PSEN1: variants seen among roughly 807,000 people sequenced by gnomAD.
PSEN1 encodes the protein presenilin-1.
A neutral mutation model predicts 53.5 loss-of-function variants in PSEN1; 15 were observed. The observed-to-expected ratio is 0.28, with a 90% CI of 0.19 to 0.43. The LOEUF is 0.43. PSEN1 is among the 20% of genes least tolerant of loss of function. The pLI, the probability that PSEN1 is intolerant of heterozygous loss-of-function variation, is 1.00. For synonymous variants in PSEN1, 208 were observed against 209.8 expected (o/e 0.99, Z 0.08); for missense variants, 387 against 571.2 (o/e 0.68, Z 3.29).
intron 1 of PSEN1, among the ~76,000 whole-genome samples, chr14:73,143,439 CTG>C (rs1293242638): frequency 6.6e-6 from 1 of 152,160 alleles, no homozygotes; most frequent in Non-Finnish European, 1.5e-5. Context: ...CTCTGTAACT[CTG>C]TGCAGGCAAA....
chr14:73,200,555 C>T (rs1472929444), intron 8 of PSEN1, among the ~76,000 whole-genome samples: 3 of 152,058 alleles, frequency 2.0e-5, no homozygotes, highest in Non-Finnish European at 2.9e-5. Flanking sequence ...TGCTCCCAGC[C>T]CTGTAAAATT....
intron 5 of PSEN1, among the ~76,000 whole-genome samples, chr14:73,175,114 AGTTTTTTTT>A (rs1233046451): frequency 6.6e-6 from 1 of 151,648 alleles, no homozygotes; most frequent in Non-Finnish European, 1.5e-5. Context: ...TGAGGTCAGG[AGTTTTTTTT>A]GTTTTTTTGT....
intron 3 of PSEN1, among the ~76,000 whole-genome samples, chr14:73,162,270 C>A (rs908059188): frequency 6.6e-6 from 1 of 151,702 alleles, no homozygotes; most frequent in Non-Finnish European, 1.5e-5. Flanking sequence ...TAAATTTATG[C>A]CAAGATTCCA....
At chr14:73,172,266 GTT>G (rs1897914171) in intron 4 of PSEN1, among the ~76,000 whole-genome samples, 1 of 152,158 alleles carries the variant, frequency 6.6e-6, no homozygotes, top group South Asian at 2.1e-4. Flanking sequence ...TTTTAATTGA[GTT>G]TTAGAATTTG....
intron 1 of PSEN1, among the ~76,000 whole-genome samples, chr14:73,139,866 G>A (rs999857848): frequency 6.6e-6 from 1 of 152,168 alleles, no homozygotes; most frequent in Admixed American, 6.5e-5. Flanking sequence ...GAGGAAAAAG[G>A]TATTAGTATT....
chr14:73,147,957 C>A lies in PSEN1; in HGVS notation c.-53-10C>A. 1 of 1,307,726 alleles carries A rather than the reference C, an allele frequency of 7.6e-7. No homozygotes were observed. Among genetic ancestry groups the A allele is most frequent in the Non-Finnish European group, 1.1e-6 (1 of 904,378 alleles). The allele number at this position is 1,307,726 out of a possible 1,614,324, so 81.0% of individuals were successfully genotyped here. A position where few individuals can be genotyped will look rare whatever the true frequency, so the allele number is the denominator to read the frequency against. ...AGTGCACAAAGTTCTGTTTTTCTTT[C>A]CCTTTTCAGAACCTCAAGAGGCTTT... On this transcript the variant is annotated splice_polypyrimidine_tract_variant and intron_variant, in intron 2 of 11. Coordinates refer to ENST00000324501, the MANE Select transcript of PSEN1 (RefSeq NM_000021.4).
intron 1 of PSEN1, among the ~76,000 whole-genome samples, chr14:73,140,651 G>C (rs891543280): frequency 3.6e-4 from 54 of 151,920 alleles, no homozygotes; most frequent in African/African-American, 1.3e-3. Flanking sequence ...GACCCTGTAG[G>C]GGCATTATAT....
intron 4 of PSEN1, among the ~76,000 whole-genome samples, chr14:73,172,714 G>C (rs1897928034): frequency 6.6e-6 from 1 of 152,158 alleles, no homozygotes; most frequent in Non-Finnish European, 1.5e-5. Context: ...CAAAACAACT[G>C]GTTTAAATAA....
chr14:73,172,724 A>G (rs528174184), intron 4 of PSEN1, among the ~76,000 whole-genome samples: 54 of 152,366 alleles, frequency 3.5e-4, no homozygotes, highest in African/African-American at 1.1e-3. Context: ...GGTTTAAATA[A>G]TGCACATACT....
rs200065583 is a variant in PSEN1 at position 73,192,679 on chromosome 14, A to G, written c.584A>G (p.Tyr195Cys). Reference protein sequence around the residue: ...VFKTYNVAVDYITVALLIWNF... With the variant: ...VFKTYNVAVDCITVALLIWNF... ...AAAACCTATAACGTTGCTGTGGACTACATTACTGTTGCACTCCTGATCTGG... is the reference window on the plus strand; with the variant it reads ...AAAACCTATAACGTTGCTGTGGACTGCATTACTGTTGCACTCCTGATCTGG... The change falls in exon 7 of 12, where the codon TAC becomes TGC. Residue 195 changes from tyrosine to cysteine, a missense_variant. By Grantham distance (194) the Tyr-to-Cys change is radical (BLOSUM62 -2). This residue lies in a region of PSEN1 where 169 missense variants were observed against 299.7 expected (regional missense o/e 0.56). Transcript: ENST00000324501. 7 of 1,613,940 alleles carry G rather than the reference A, an allele frequency of 4.3e-6. No individual in the cohort carries two copies. The highest frequency in any genetic ancestry group is 4.0e-5 in the African/African-American group (3 of 74,906).
At chr14:73,195,926 C>T (rs1256226810) in intron 7 of PSEN1, among the ~76,000 whole-genome samples, 2 of 152,198 alleles carry the variant, frequency 1.3e-5, no homozygotes, top group African/African-American at 2.4e-5. Context: ...TAAGCCTAAA[C>T]TCTGATCTCG....
At chr14:73,146,431 C>G (rs1897073377) in intron 1 of PSEN1, among the ~76,000 whole-genome samples, 1 of 151,992 alleles carries the variant, frequency 6.6e-6, no homozygotes, top group Admixed American at 6.6e-5. Context: ...GCCTTAAGCT[C>G]TTTATTTTTT....
chr14:73,157,477 A>G (rs1340249502), intron 3 of PSEN1, among the ~76,000 whole-genome samples: 2 of 152,184 alleles, frequency 1.3e-5, no homozygotes, highest in Non-Finnish European at 2.9e-5. Context: ...TTATTGTGGT[A>G]TAATTGACGT....
intron 1 of PSEN1, among the ~76,000 whole-genome samples, chr14:73,140,761 CGATTCTAAGT>C (rs1896902956): frequency 6.6e-6 from 1 of 152,072 alleles, no homozygotes; most frequent in African/African-American, 2.4e-5. Flanking sequence ...TCTGGACTTG[CGATTCTAAGT>C]CTTTGTTCGT....
intron 5 of PSEN1, among the ~76,000 whole-genome samples, chr14:73,184,899 G>A (rs1415397296): frequency 2.0e-5 from 3 of 150,530 alleles, no homozygotes; most frequent in Admixed American, 6.6e-5. Context: ...CGGGGCGGCC[G>A]GGCAGAGATG....
chr14:73,168,023 C>G (rs995156527), intron 3 of PSEN1: 1 of 151,992 alleles, frequency 6.6e-6, no homozygotes, highest in African/African-American at 2.4e-5. Context: ...CAAATGTTGC[C>G]TCTTTGGCCT....
At chr14:73,191,779 C>T (rs1248549425) in intron 6 of PSEN1, among the ~76,000 whole-genome samples, 1 of 152,060 alleles carries the variant, frequency 6.6e-6, no homozygotes, top group Non-Finnish European at 1.5e-5. Context: ...AATTCCTGGC[C>T]TCAAGTGATC....
rs1328952660 is a variant in PSEN1 at position 73,184,635 on chromosome 14, G to A, written c.481-2218G>A. On this transcript the variant is annotated intron_variant, in intron 5 of 11. Transcript: ENST00000324501. Reference sequence around the variant, plus strand: ...CACCTCCCGGACGGGGCGGCTGGCCGGGCGGGGGGCTGACCCCCCCACCTC... The same window carrying A: ...CACCTCCCGGACGGGGCGGCTGGCCAGGCGGGGGGCTGACCCCCCCACCTC... Among the ~76,000 whole-genome samples, 5 of 139,314 alleles carry A rather than the reference G, an allele frequency of 3.6e-5. No homozygotes were observed. The East Asian group carries it at 9.4e-4, about 26-fold the overall frequency. The allele number at this position is 139,314 out of a possible 152,430, so 91.4% of individuals were successfully genotyped here. A position where few individuals can be genotyped will look rare whatever the true frequency, so the allele number is the denominator to read the frequency against.
chr14:73,151,878 T>TTTTATATATATATATATATA (rs1321315363), intron 3 of PSEN1, among the ~76,000 whole-genome samples: 7 of 56,908 alleles, frequency 1.2e-4, no homozygotes, highest in African/African-American at 6.4e-4. Context: ...CTAAAATATT[T>TTTTATATATATATATATATA]TATATATATA....
Sources: allele counts gnomAD v4.1 joint callset (sites outside exome capture counted in the v4.1 genomes callset), GRCh38; gene constraint gnomAD v4.1.1; regional missense constraint gnomAD v4.1.1; transcripts MANE v1.5; gene names NCBI Gene and HGNC (gene_info 2026-07-23, HGNC 2026-07-21).